The following OSBPL11 variants were observed in gnomAD, a reference collection of about 807,000 sequenced individuals.
OSBPL11 encodes the protein oxysterol-binding protein-related protein 11.
A neutral mutation model predicts 84.4 loss-of-function variants in OSBPL11; 33 were observed. The ratio of observed to expected loss-of-function variants is 0.39; its 90% CI spans 0.30 to 0.52. The LOEUF (loss-of-function observed/expected upper bound fraction) is 0.52, where lower values mean the gene tolerates loss of function less well. Among genes scored for constraint, OSBPL11 ranks in the 20% least tolerant of loss-of-function variants. The pLI, the probability that OSBPL11 is intolerant of heterozygous loss-of-function variation, is 0.72. For missense variants in OSBPL11, 736 were observed against 901.1 expected, an observed-to-expected ratio of 0.82 and a Z score of 2.35; for synonymous variants, 276 against 310.2, an observed-to-expected ratio of 0.89 and a Z score of 1.16.
At chr3:125,582,534 T>TC (rs1336578224) in intron 2 of OSBPL11, among the ~76,000 whole-genome samples, 1 of 152,210 alleles carries the variant, frequency 6.6e-6, no homozygotes, top group Non-Finnish European at 1.5e-5. Context: ...CTTAACCTCT[T>TC]CAAGATCCCA....
intron 1 of OSBPL11, among the ~76,000 whole-genome samples, chr3:125,593,555 G>A (rs539372807): frequency 6.6e-6 from 1 of 151,824 alleles, no homozygotes; most frequent in African/African-American, 2.4e-5. Context: ...AGGAGGTGGA[G>A]GTGGTAGTGA....
chr3:125,555,434 AC>A (rs1182313404), intron 8 of OSBPL11, among the ~76,000 whole-genome samples: 1 of 152,138 alleles, frequency 6.6e-6, no homozygotes, highest in African/African-American at 2.4e-5. Context: ...GAACCCTAAT[AC>A]AATCATCAAA....
chr3:125,572,336 G>A (rs562569383), intron 5 of OSBPL11, among the ~76,000 whole-genome samples: 27 of 152,318 alleles, frequency 1.8e-4, no homozygotes, highest in African/African-American at 6.5e-4. Flanking sequence ...ACTTTGGACT[G>A]TGGACTTCTG....
chr3:125,550,406 CA>C (rs1491042248), intron 9 of OSBPL11, among the ~76,000 whole-genome samples: 15 of 108,612 alleles, frequency 1.4e-4, no homozygotes, highest in Admixed American at 9.5e-4. Flanking sequence ...CACACACACA[CA>C]ACAAACAAAA....
At chr3:125,586,197 C>G (rs964353585) in intron 1 of OSBPL11, among the ~76,000 whole-genome samples, 1 of 152,148 alleles carries the variant, frequency 6.6e-6, no homozygotes, top group South Asian at 2.1e-4. Flanking sequence ...TTATATTATA[C>G]TATTTTGTGT....
Position 125,564,010 on chromosome 3 carries a change from G to A in OSBPL11, c.869-167C>T, listed in dbSNP as rs374143433. Among the ~76,000 whole-genome samples, 10 of 152,324 alleles carry A rather than the reference G, an allele frequency of 6.6e-5. No homozygotes were observed. In the East Asian group the frequency reaches 1.9e-3, roughly 29 times the overall value. On this transcript the variant is annotated intron_variant, in intron 6 of 12. Coordinates refer to ENST00000296220, the MANE Select transcript of OSBPL11 (RefSeq NM_022776.5). ...TATATCTCATTAGCATGAGCACCAT[G>A]ATTGGGTATTTTACAACAGAGCAAC...
rs574571932 is a variant in OSBPL11, at chr3:125,594,720, G to C, written c.81C>G (p.Thr27=). The C allele has an allele frequency of 1.2e-6, 2 of 1,614,098 alleles. No homozygotes were observed. The highest frequency in any genetic ancestry group is 3.3e-5 in the Admixed American group (2 of 60,012). ...GKLEGQATAV[T]PNKNSSCGGG... ...CTCCACAGCTGCTGTTCTTGTTCGG[G>C]GTCACCGCTGTGGCCTGGCCCTCCA... is the stretch of plus-strand genomic sequence containing the variant. Residue 27 remains threonine, a synonymous_variant, in exon 1 of 13, where the codon ACC becomes ACG. Coordinates refer to ENST00000296220, the MANE Select transcript of OSBPL11 (RefSeq NM_022776.5).
intron 10 of OSBPL11, among the ~76,000 whole-genome samples, chr3:125,544,382 C>G (rs1935779864): frequency 6.6e-6 from 1 of 152,024 alleles, no homozygotes; most frequent in African/African-American, 2.4e-5. Context: ...AGCAATTTTA[C>G]CAAATGGTTA....
chr3:125,565,779 G>A (rs1033269821), intron 6 of OSBPL11, among the ~76,000 whole-genome samples: 5 of 151,932 alleles, frequency 3.3e-5, no homozygotes, highest in African/African-American at 1.2e-4. Flanking sequence ...TCACAATTTA[G>A]ACTCTTCTAT....
In OSBPL11 at chr3:125,567,507, T is replaced by C. The variant is rs776545101; in HGVS notation, c.755A>G (p.Gln252Arg). ...PTSGHLSSLD[Q>R]DLLMLKATSM... ...AGTAGCTTTGAGCATTAAGAGATCC[T>C]GGTCCAAGGAACTAAGATGGCCAGA... The change falls in exon 6 of 13, where the codon CAG (glutamine) becomes CGG (arginine). Residue 252 changes from glutamine (Q) to arginine (R), a missense_variant. Coordinates refer to ENST00000296220, the MANE Select transcript of OSBPL11 (RefSeq NM_022776.5). The C allele has an allele frequency of 1.5e-5, 25 of 1,613,982 alleles. No homozygotes were observed. The highest frequency in any genetic ancestry group is 2.0e-5 in the Non-Finnish European group (24 of 1,179,928).
intron 6 of OSBPL11, among the ~76,000 whole-genome samples, chr3:125,565,723 T>C (rs887498338): frequency 1.3e-5 from 2 of 152,220 alleles, no homozygotes; most frequent in African/African-American, 2.4e-5. Context: ...AAAATTTATA[T>C]TGAACTACTT....
intron 6 of OSBPL11, among the ~76,000 whole-genome samples, chr3:125,566,892 C>T (rs1460399031): frequency 6.6e-6 from 1 of 151,996 alleles, no homozygotes; most frequent in Non-Finnish European, 1.5e-5. Context: ...TCGGGATCCT[C>T]CTGCCTCAGC....
In OSBPL11 at chr3:125,576,182, T is replaced by C. The variant is rs1210148914; in HGVS notation, c.666+7A>G. The C allele has an allele frequency of 6.3e-7, 1 of 1,598,854 alleles. No homozygotes were observed. ...TGCATTTTAACTTGACTTTAATTCA[T>C]ACTTACTTCTCTGACTTCCACAAGA... On this transcript the variant is annotated splice_region_variant and intron_variant, in intron 5 of 12. Transcript: ENST00000296220.
intron 5 of OSBPL11, among the ~76,000 whole-genome samples, chr3:125,570,515 AC>A (rs1231730553): frequency 6.6e-6 from 1 of 152,138 alleles, no homozygotes; most frequent in Non-Finnish European, 1.5e-5. Flanking sequence ...AAAACAAAGT[AC>A]ATATATGATA....
Position 125,579,015 on chromosome 3 carries a change from T to C in OSBPL11, c.434A>G (p.His145Arg), listed in dbSNP as rs2107608654. ...LRATDAKERQHWVSRLQICTQ... is the reference protein window; with the variant it reads ...LRATDAKERQRWVSRLQICTQ... ...ACATATCTGAAGTCTGCTAACCCAG[T>C]GCTGTCGCTCTTTTGCATCTGTAGC... is the stretch of plus-strand genomic sequence containing the variant. The change falls in exon 4 of 13, where the codon CAC becomes CGC. Residue 145 changes from histidine (H) to arginine (R), a missense_variant. Transcript: ENST00000296220. 1 of 1,595,834 alleles carries C rather than the reference T, an allele frequency of 6.3e-7. No individual in the cohort carries two copies. The highest frequency in any genetic ancestry group is 8.5e-7 in the Non-Finnish European group (1 of 1,170,836).
At chr3:125,535,439 CTTTTTTTTTTTTT>C (rs763678488) in intron 11 of OSBPL11, among the ~76,000 whole-genome samples, 3 of 84,296 alleles carry the variant, frequency 3.6e-5, no homozygotes, top group East Asian at 6.7e-4. Context: ...TCAGAAGCAT[CTTTTTTTTTTTTT>C]TTTTTTTTTT....
At chr3:125,580,236 C>T (rs1051412966) in intron 2 of OSBPL11, among the ~76,000 whole-genome samples, 196 bp from the exon 3 acceptor site, 1 of 152,112 alleles carries the variant, frequency 6.6e-6, no homozygotes, top group Non-Finnish European at 1.5e-5. Context: ...TGAGTTAGGC[C>T]AGGCGCAGTG....
At position 125,552,437 on chromosome 3, in the gene OSBPL11, G is replaced by T. The variant is rs766098705; in HGVS notation, c.1398C>A (p.Ser466Arg). 6.2e-7 allele frequency: 1 copy of T among 1,614,096 alleles called. No individual in the cohort carries two copies. Among genetic ancestry groups the T allele is most frequent in the South Asian group, 1.1e-5 (1 of 91,086 alleles). ...TGCTAAAAACACTGGATGCTACCTC[G>T]CTTTTTGGCATCTTCCAGGAACAGT... ...TFHCSWKMPK[S>R]EVASSVFSSS... Residue 466 changes from serine to arginine, a missense_variant, in exon 9 of 13, where the codon AGC (serine) becomes AGA (arginine). By Grantham distance (110) the Ser-to-Arg change is moderately radical (BLOSUM62 -1). Coordinates refer to ENST00000296220, the MANE Select transcript of OSBPL11 (RefSeq NM_022776.5).
intron 9 of OSBPL11, among the ~76,000 whole-genome samples, chr3:125,548,760 C>T (rs1935856292): frequency 6.6e-6 from 1 of 151,924 alleles, no homozygotes; most frequent in Non-Finnish European, 1.5e-5. Flanking sequence ...ACTCAGTTCT[C>T]AATGTTCACA....
Sources: allele counts gnomAD v4.1 joint callset (sites outside exome capture counted in the v4.1 genomes callset), GRCh38; gene constraint gnomAD v4.1.1; transcripts MANE v1.5; gene names NCBI Gene and HGNC (gene_info 2026-07-23, HGNC 2026-07-21).